The following DOCK5 variants were observed in gnomAD, a reference collection of about 807,000 sequenced individuals.
DOCK5 encodes dedicator of cytokinesis protein 5.
A neutral mutation model predicts 251.8 loss-of-function variants in DOCK5; 142 were observed. That is an observed-to-expected ratio of 0.56 (90% CI 0.49 to 0.65). DOCK5 has a LOEUF of 0.65. Ranked by LOEUF, DOCK5 falls within the 30% of genes least tolerant of loss-of-function variation. The pLI, the probability that DOCK5 is intolerant of heterozygous loss-of-function variation, is 0.00. For missense variants in DOCK5, 2,111 were observed against 2,312.3 expected (o/e 0.91, Z 1.79); for synonymous variants, 842 against 835.5 (o/e 1.01, Z -0.13).
Position 25,278,601 on chromosome 8 carries a change from C to G in DOCK5, c.257C>G (p.Pro86Arg), listed in dbSNP as rs1804107933. 1.2e-6 allele frequency: 2 copies of G among 1,613,830 alleles called. No homozygotes were observed. Among genetic ancestry groups the G allele is most frequent in the Non-Finnish European group, 1.7e-6 (2 of 1,179,870 alleles). Reference protein sequence around the residue: ...QHETVIPGELPLVQELTSTLR... With the variant: ...QHETVIPGELRLVQELTSTLR... Reference sequence around the variant, plus strand: ...GAAACCGTGATTCCTGGCGAGCTCCCCCTGGTGCAGGAGCTCACGTCCACT... The same window carrying G: ...GAAACCGTGATTCCTGGCGAGCTCCGCCTGGTGCAGGAGCTCACGTCCACT... The change falls in exon 5 of 52, where the codon CCC (proline) becomes CGC (arginine). Residue 86 changes from proline to arginine, a missense_variant. Pro to Arg is a moderately radical substitution (Grantham distance 103, BLOSUM62 -2). Transcript: ENST00000276440.
In DOCK5 at chr8:25,332,667, A is replaced by G. The variant is rs762690530; in HGVS notation, c.2066A>G (p.Tyr689Cys). ...IMMEMSDSETYDFLVFDALVF... is the reference protein window; with the variant it reads ...IMMEMSDSETCDFLVFDALVF... The stretch of plus-strand genomic sequence containing the variant: ...ATGGAAATGTCAGACAGTGAAACCT[A>G]TGACTTCCTTGTGTTTGACGCACTG... Residue 689 changes from tyrosine to cysteine, a missense_variant, in exon 20 of 52, where the codon TAT becomes TGT. Tyr to Cys is a radical substitution (Grantham distance 194). Transcript: ENST00000276440. 8 of 1,612,482 alleles carry G rather than the reference A, an allele frequency of 5.0e-6. No homozygotes were observed. The highest frequency in any genetic ancestry group is 1.3e-5 in the African/African-American group (1 of 74,884).
At chr8:25,198,828 G>A (rs13258749) in intron 1 of DOCK5, among the ~76,000 whole-genome samples, 95,454 of 152,076 alleles carry the variant, frequency 0.63, 32,415 homozygotes, top group Non-Finnish European at 0.76. Context: ...CTGGAGAGGG[G>A]TTTGTTAATC....
chr8:25,231,940 A>G (rs1185913073), intron 1 of DOCK5, among the ~76,000 whole-genome samples: 2 of 152,056 alleles, frequency 1.3e-5, no homozygotes, highest in African/African-American at 4.8e-5. Context: ...TTTTCATCAT[A>G]ATATGTTGGG....
chr8:25,273,069 G>C (rs1016582128), intron 3 of DOCK5, among the ~76,000 whole-genome samples: 3 of 151,672 alleles, frequency 2.0e-5, no homozygotes, highest in Admixed American at 1.3e-4. Context: ...CATTTGCCGT[G>C]GCGCAGTGGC....
intron 11 of DOCK5, 30 bp from the exon 12 acceptor site, chr8:25,308,753 C>T (rs750309013): frequency 6.8e-6 from 11 of 1,610,724 alleles, no homozygotes; most frequent in Middle Eastern, 3.3e-4. Flanking sequence ...TCTCCCCCTC[C>T]CACCTTACCT....
intron 47 of DOCK5, among the ~76,000 whole-genome samples, chr8:25,402,913 G>A (rs556613660): frequency 5.3e-5 from 8 of 152,074 alleles, no homozygotes; most frequent in Non-Finnish European, 5.9e-5. Context: ...GTGTTCAGTC[G>A]TGCCTTCTTC....
At chr8:25,231,288 C>T (rs768037767) in intron 1 of DOCK5, among the ~76,000 whole-genome samples, 4 of 152,118 alleles carry the variant, frequency 2.6e-5, no homozygotes, top group Admixed American at 6.6e-5. Flanking sequence ...CTCCGTTTTC[C>T]TTTCCATGGA....
At chr8:25,263,798 T>A (rs1458073776) in intron 2 of DOCK5, among the ~76,000 whole-genome samples, 1 of 151,712 alleles carries the variant, frequency 6.6e-6, no homozygotes, top group Non-Finnish European at 1.5e-5. Context: ...ATGTGCAGCC[T>A]TCCCCCACTG....
At chr8:25,284,719 C>T (rs567533925) in intron 5 of DOCK5, among the ~76,000 whole-genome samples, 28 of 152,316 alleles carry the variant, frequency 1.8e-4, no homozygotes, top group African/African-American at 4.3e-4. Context: ...CGGTCGGATT[C>T]GTGTAATGTC....
intron 15 of DOCK5, 79 bp downstream of exon 15, chr8:25,319,755 T>G: frequency 9.5e-7 from 1 of 1,056,060 alleles, no homozygotes; most frequent in Non-Finnish European, 1.4e-6. Context: ...CCCCAAATTA[T>G]TCCTACTTTA....
At chr8:25,206,026 AGTTGGGGTTAT>A (rs1174779825) in intron 1 of DOCK5, among the ~76,000 whole-genome samples, 1 of 152,144 alleles carries the variant, frequency 6.6e-6, no homozygotes, top group Non-Finnish European at 1.5e-5. Context: ...AAAAAAGTCC[AGTTGGGGTTAT>A]TGGAGTTTAG....
In DOCK5 at chr8:25,400,942, CAG is replaced by C; in HGVS notation, c.4804_4805del (p.Glu1602ArgfsTer18). On this transcript the variant is annotated frameshift_variant, in exon 47 of 52. Transcript: ENST00000276440. LOFTEE classifies it high-confidence loss of function. ...CCTTCTTTCCAGATGCCCCTGCTAA[CAG>C]AAGGGATCCGCATCCATGGGGAGAA... The C allele has an allele frequency of 6.2e-7, 1 of 1,613,970 alleles. No individual in the cohort carries two copies. The highest frequency in any genetic ancestry group is 8.5e-7 in the Non-Finnish European group (1 of 1,179,878).
chr8:25,208,599 A>G (rs189162008), intron 1 of DOCK5, among the ~76,000 whole-genome samples: 3 of 152,188 alleles, frequency 2.0e-5, no homozygotes, highest in African/African-American at 7.2e-5. Context: ...TTAGCAATAA[A>G]ATATTTTCAA....
At chr8:25,288,970 A>T (rs750666402) in intron 5 of DOCK5, among the ~76,000 whole-genome samples, 1 of 152,194 alleles carries the variant, frequency 6.6e-6, no homozygotes, top group Admixed American at 6.5e-5. Context: ...GTGTTTTTTT[A>T]AGATCAGTGG....
In DOCK5 at chr8:25,341,827, A is replaced by C; in HGVS notation, c.2510+18A>C. 1 of 1,554,192 alleles carries C rather than the reference A, an allele frequency of 6.4e-7. No homozygotes were observed. The highest frequency in any genetic ancestry group is 8.7e-7 in the Non-Finnish European group (1 of 1,147,254). ...GAGCTCAGGTAAATAGCAAAACAAA[A>C]TTTTGTTCCTTAACTCTAACAGAAA... On this transcript the variant is annotated intron_variant, in intron 24 of 51. Coordinates refer to ENST00000276440, the MANE Select transcript of DOCK5 (RefSeq NM_024940.8).
chr8:25,217,040 GTATACATGTATAGATGTATACAATATGTA>G (rs1367600228), intron 1 of DOCK5, among the ~76,000 whole-genome samples: 13 of 144,218 alleles, frequency 9.0e-5, no homozygotes, highest in South Asian at 2.2e-4. Context: ...TACAATATGT[GTATACATGTATAGATGTATACAATATGTA>G]TATATGTATA....
rs761092383 is a variant in DOCK5, at chr8:25,408,893, C to A, written c.5357C>A (p.Thr1786Lys). The A allele has an allele frequency of 6.2e-7, 1 of 1,614,004 alleles. No homozygotes were observed. Among genetic ancestry groups the A allele is most frequent in the Non-Finnish European group, 8.5e-7 (1 of 1,179,884 alleles). The stretch of plus-strand genomic sequence containing the variant: ...CACGGTTCTTCACCTCCTCAGTCAA[C>A]ACCCTTGAGCCCACCTCCACTCACT... ...PFHGSSPPQS[T>K]PLSPPPLTPK... is the part of the protein sequence containing the mutation. Residue 1786 changes from threonine to lysine, a missense_variant, in exon 50 of 52, where the codon ACA becomes AAA. Around this residue, in one of 3 missense-constraint regions of DOCK5, gnomAD observed 1,717 missense variants for 1,892.4 expected, o/e 0.91. Transcript: ENST00000276440.
At chr8:25,383,474 C>T (rs111931767) in intron 40 of DOCK5, among the ~76,000 whole-genome samples, 163 of 152,342 alleles carry the variant, frequency 1.1e-3, no homozygotes, top group African/African-American at 3.5e-3. Flanking sequence ...AAAGATCTTG[C>T]TGATTACAGT....
chr8:25,390,970 G>A (rs1329101547), intron 42 of DOCK5, among the ~76,000 whole-genome samples: 1 of 151,906 alleles, frequency 6.6e-6, no homozygotes, highest in Non-Finnish European at 1.5e-5. Flanking sequence ...CGCCACACCT[G>A]GCTAATTTTT....
Sources: gnomAD v4.1 joint callset for allele counts (sites outside exome capture counted in the v4.1 genomes callset) on GRCh38, gnomAD v4.1.1 for gene constraint, gnomAD v4.1.1 regional missense constraint, MANE v1.5 for transcripts, NCBI Gene and HGNC (gene_info 2026-07-23, HGNC 2026-07-21) for gene names.